Variants in CACNA2D1 observed in about 807,000 individuals in gnomAD.
CACNA2D1 encodes the protein voltage-dependent calcium channel subunit alpha-2/delta-1.
In CACNA2D1, 53 loss-of-function variants were observed where a neutral mutation model predicts 171.5. The observed-to-expected ratio is 0.31, with a 90% CI of 0.25 to 0.39. The LOEUF (loss-of-function observed/expected upper bound fraction) is 0.39, where lower values mean the gene tolerates loss of function less well. Among genes scored for constraint, CACNA2D1 ranks in the 10% least tolerant of loss-of-function variants. The probability of loss-of-function intolerance (pLI) is 1.00; values close to 1 mark genes in which losing one functional copy is unlikely to be tolerated. For synonymous variants in CACNA2D1, 442 were observed against 443.1 expected, an observed-to-expected ratio of 1.00 and a Z score of 0.03; for missense variants, 903 against 1,299.8, an observed-to-expected ratio of 0.69 and a Z score of 4.69.
At chr7:81,993,220 A>G (rs1326544654) in intron 20 of CACNA2D1, among the ~76,000 whole-genome samples, 1 of 152,188 alleles carries the variant, frequency 6.6e-6, no homozygotes, top group African/African-American at 2.4e-5. Context: ...GACAGATTGT[A>G]GTGAAAAATA....
At chr7:81,984,471 G>A (rs996923686) in intron 22 of CACNA2D1, 164 bp downstream of exon 22, 4 of 645,138 alleles carry the variant, frequency 6.2e-6, no homozygotes, top group Non-Finnish European at 1.1e-5. Flanking sequence ...AATATTTCTT[G>A]TTCCTTGCAT....
intron 1 of CACNA2D1, among the ~76,000 whole-genome samples, chr7:82,434,323 T>A (rs1829942617): frequency 1.3e-5 from 2 of 152,184 alleles, no homozygotes; most frequent in Non-Finnish European, 2.9e-5. Context: ...AATATTAACT[T>A]ACTATTTATT....
chr7:82,308,452 C>G (rs1257851088), intron 3 of CACNA2D1, among the ~76,000 whole-genome samples: 1 of 152,214 alleles, frequency 6.6e-6, no homozygotes, highest in East Asian at 1.9e-4. Context: ...CAAGTAGGTT[C>G]AGCCCTAATT....
chr7:82,286,008 G>T (rs1810714227), intron 3 of CACNA2D1, among the ~76,000 whole-genome samples: 1 of 152,122 alleles, frequency 6.6e-6, no homozygotes, highest in Non-Finnish European at 1.5e-5. Flanking sequence ...GGCAATATTT[G>T]TTGTTCTCCT....
intron 4 of CACNA2D1, among the ~76,000 whole-genome samples, chr7:82,155,154 C>T (rs867803827): frequency 1.1e-4 from 16 of 152,092 alleles, no homozygotes; most frequent in African/African-American, 3.9e-4. Flanking sequence ...TCCCTAGAAA[C>T]CAAACAGATG....
At chr7:82,335,755 T>C (rs562753073) in intron 2 of CACNA2D1, among the ~76,000 whole-genome samples, 2 of 152,280 alleles carry the variant, frequency 1.3e-5, no homozygotes, top group South Asian at 4.1e-4. Context: ...AGGAGACAGT[T>C]CACATATAGA....
At position 82,061,070 on chromosome 7, in the gene CACNA2D1, G is replaced by A. The variant is rs866655694; in HGVS notation, c.780-543C>T. On this transcript the variant is annotated intron_variant, in intron 9 of 38. Coordinates refer to ENST00000356860, the MANE Select transcript of CACNA2D1 (RefSeq NM_000722.4). Reference sequence around the variant, plus strand: ...ACTTGGTGACTTCACCTATGTGCAGGGCTGGCTCAACTCTAGGCAACTAAC... The same window carrying A: ...ACTTGGTGACTTCACCTATGTGCAGAGCTGGCTCAACTCTAGGCAACTAAC... Among the ~76,000 whole-genome samples, 6 of 151,962 alleles carry A rather than the reference G, an allele frequency of 3.9e-5. No homozygotes were observed. In the East Asian group the frequency reaches 7.7e-4, roughly 20 times the overall value.
chr7:82,273,666 T>TTTTATATTTGATGGATTATATTTATTTCA (rs1808933035), intron 3 of CACNA2D1, among the ~76,000 whole-genome samples: 1 of 152,086 alleles, frequency 6.6e-6, no homozygotes, highest in African/African-American at 2.4e-5. Context: ...TTTATTTCAT[T>TTTTATATTTGATGGATTATATTTATTTCA]TTTATATTTG....
At chr7:82,246,741 G>C (rs1163983081) in intron 3 of CACNA2D1, among the ~76,000 whole-genome samples, 3 of 152,134 alleles carry the variant, frequency 2.0e-5, no homozygotes, top group Admixed American at 2.0e-4. Context: ...AGATCATTCT[G>C]AACTTTATGA....
At chr7:82,387,672 A>G (rs1004756946) in intron 1 of CACNA2D1, among the ~76,000 whole-genome samples, 1 of 152,212 alleles carries the variant, frequency 6.6e-6, no homozygotes, top group Non-Finnish European at 1.5e-5. Flanking sequence ...CAAGAGCACA[A>G]TAGTAATAGT....
chr7:82,019,318 CAAAACAA>C (rs955023174), intron 12 of CACNA2D1, among the ~76,000 whole-genome samples: 11 of 151,794 alleles, frequency 7.2e-5, no homozygotes, highest in South Asian at 4.2e-4. Context: ...GACTCCGTCT[CAAAACAA>C]AAAACAAAAA....
At chr7:82,426,356 C>A (rs1365387005) in intron 1 of CACNA2D1, among the ~76,000 whole-genome samples, 1 of 152,010 alleles carries the variant, frequency 6.6e-6, no homozygotes, top group East Asian at 1.9e-4. Context: ...AACTCATCAA[C>A]TGGCACAATA....
At chr7:82,221,467 G>A (rs547053129) in intron 3 of CACNA2D1, among the ~76,000 whole-genome samples, 9 of 152,196 alleles carry the variant, frequency 5.9e-5, no homozygotes, top group South Asian at 2.1e-4. Context: ...AACCTCAGCC[G>A]GGGGCGGTGG....
chr7:82,134,392 G>C (rs1791362778), intron 5 of CACNA2D1, among the ~76,000 whole-genome samples: 1 of 152,080 alleles, frequency 6.6e-6, no homozygotes, highest in African/African-American at 2.4e-5. Context: ...TAAAGCCCTA[G>C]GATGACTATA....
At chr7:81,980,803 T>G (rs1402872421) in intron 24 of CACNA2D1, among the ~76,000 whole-genome samples, 1 of 151,974 alleles carries the variant, frequency 6.6e-6, no homozygotes, top group Non-Finnish European at 1.5e-5. Context: ...TGGTGATTGA[T>G]TAGAAGTGAG....
chr7:82,231,362 G>A (rs747672753), intron 3 of CACNA2D1, among the ~76,000 whole-genome samples: 5 of 152,142 alleles, frequency 3.3e-5, no homozygotes, highest in Non-Finnish European at 7.4e-5. Context: ...GAAGCAATAG[G>A]AAACACAGTT....
intron 6 of CACNA2D1, among the ~76,000 whole-genome samples, chr7:82,092,174 T>C (rs925699421): frequency 2.0e-5 from 3 of 152,212 alleles, no homozygotes; most frequent in African/African-American, 7.2e-5. Flanking sequence ...TCTGTTTATG[T>C]TGTGTAAAGC....
chr7:82,331,408 A>G (rs1817286648), intron 3 of CACNA2D1, among the ~76,000 whole-genome samples: 1 of 152,144 alleles, frequency 6.6e-6, no homozygotes, highest in African/African-American at 2.4e-5. Context: ...CAAATTAACA[A>G]TGCCATCTTG....
chr7:81,961,832 GATTATAACAGTATATACAATTTCTTAA>G, intron 36 of CACNA2D1, 35 bp downstream of exon 36: 1 of 1,016,490 alleles, frequency 9.8e-7, no homozygotes, highest in Non-Finnish European at 1.5e-6. Context: ...ATTTCTTAAT[GATTATAACAGTATATACAATTTCTTAA>G]TGAAATAGGA....
Sources: gnomAD v4.1 joint callset for allele counts (sites outside exome capture counted in the v4.1 genomes callset) on GRCh38, gnomAD v4.1.1 for gene constraint, MANE v1.5 for transcripts, NCBI Gene and HGNC (gene_info 2026-07-23, HGNC 2026-07-21) for gene names.